EFCAB6: variants seen among roughly 807,000 people sequenced by gnomAD.
The protein encoded by EFCAB6 is EF-hand calcium binding domain 6, also known as EF-hand calcium-binding domain-containing protein 6.
EFCAB6 carries 156 observed loss-of-function variants against 169.8 expected under a neutral mutation model. The ratio of observed to expected loss-of-function variants is 0.92; its 90% CI spans 0.81 to 1.05. The LOEUF (loss-of-function observed/expected upper bound fraction) is 1.05, where lower values mean the gene tolerates loss of function less well. Ranked by LOEUF, EFCAB6 falls within the 50% of genes least tolerant of loss-of-function variation. The probability of loss-of-function intolerance (pLI) is 0.00; values close to 1 mark genes in which losing one functional copy is unlikely to be tolerated. For missense variants in EFCAB6, 1,800 were observed against 1,829.1 expected, an observed-to-expected ratio of 0.98 and a Z score of 0.29; for synonymous variants, 698 against 676.4, an observed-to-expected ratio of 1.03 and a Z score of -0.50.
At chr22:43,780,965 C>T (rs2061804287) in intron 3 of EFCAB6, among the ~76,000 whole-genome samples, 1 of 152,176 alleles carries the variant, frequency 6.6e-6, no homozygotes, top group Non-Finnish European at 1.5e-5. Context: ...TTTGTAAGTG[C>T]GTCTTACGGC....
chr22:43,804,367 A>G (rs1406617458), intron 2 of EFCAB6, among the ~76,000 whole-genome samples: 5 of 152,356 alleles, frequency 3.3e-5, no homozygotes, highest in African/African-American at 1.2e-4. Context: ...TATGTCAAAA[A>G]AAATAGAAAG....
chr22:43,653,578 C>T (rs1011496160), intron 17 of EFCAB6, among the ~76,000 whole-genome samples: 9 of 152,148 alleles, frequency 5.9e-5, no homozygotes, highest in Non-Finnish European at 7.3e-5. Context: ...AAATTAATGA[C>T]GTTTCACAGA....
intron 27 of EFCAB6, among the ~76,000 whole-genome samples, chr22:43,549,477 C>T (rs1364526397): frequency 1.3e-5 from 2 of 151,962 alleles, no homozygotes; most frequent in African/African-American, 4.8e-5. Context: ...GATAAGTCAC[C>T]CAAACTGACA....
intron 17 of EFCAB6, among the ~76,000 whole-genome samples, chr22:43,662,986 A>G (rs1024415865): frequency 4.6e-5 from 7 of 152,236 alleles, no homozygotes; most frequent in Non-Finnish European, 8.8e-5. Context: ...AGCCAGTATC[A>G]CAGGTCCTAA....
chr22:43,738,030 C>T (rs1279342236), intron 6 of EFCAB6, among the ~76,000 whole-genome samples: 2 of 148,466 alleles, frequency 1.3e-5, no homozygotes, highest in Non-Finnish European at 3.0e-5. Flanking sequence ...ACACACACAC[C>T]TGCATATACT....
chr22:43,557,982 CTATA>C (rs964226545), intron 26 of EFCAB6, among the ~76,000 whole-genome samples: 1 of 151,992 alleles, frequency 6.6e-6, no homozygotes, highest in African/African-American at 2.4e-5. Context: ...GATGGATGAA[CTATA>C]TATAAATAAA....
intron 2 of EFCAB6, among the ~76,000 whole-genome samples, chr22:43,802,313 G>A (rs1264874528): frequency 2.6e-5 from 4 of 152,098 alleles, no homozygotes; most frequent in African/African-American, 4.8e-5. Context: ...TGGATCACCT[G>A]AGGTCAGGAG....
intron 10 of EFCAB6, among the ~76,000 whole-genome samples, chr22:43,709,920 G>C (rs1002422729): frequency 3.3e-5 from 5 of 152,210 alleles, no homozygotes; most frequent in Admixed American, 6.5e-5. Flanking sequence ...CATATAGGGA[G>C]CTGGCAAGGA....
At chr22:43,713,898 G>GA (rs2147400658) in intron 9 of EFCAB6, among the ~76,000 whole-genome samples, 1 of 152,146 alleles carries the variant, frequency 6.6e-6, no homozygotes, top group Non-Finnish European at 1.5e-5. Flanking sequence ...ATATGATGGG[G>GA]AAAAAGAGAA....
chr22:43,748,560 C>G (rs1036037693), intron 6 of EFCAB6, among the ~76,000 whole-genome samples: 1 of 152,174 alleles, frequency 6.6e-6, no homozygotes, highest in Non-Finnish European at 1.5e-5. Context: ...TCCAATTGTT[C>G]CTGGCTATTC....
rs369016690 is a variant in EFCAB6 at position 43,581,803 on chromosome 22, G to C, written c.3033-1144C>G. ...CAGAGCCGCCTTGCACAGGCTCTGC[G>C]TCGGGTCGGCTTGCATGATGGAGAC... On this transcript the variant is annotated intron_variant, in intron 24 of 31. Coordinates refer to ENST00000262726, the MANE Select transcript of EFCAB6 (RefSeq NM_022785.4). Among the ~76,000 whole-genome samples the C allele has an allele frequency of 2.3e-3, 346 of 152,284 alleles. 2 individuals are homozygous for C. The highest frequency in any genetic ancestry group is 8.0e-3 in the African/African-American group (334 of 41,546).
chr22:43,652,253 T>A (rs1186725901), intron 17 of EFCAB6, among the ~76,000 whole-genome samples: 2 of 152,116 alleles, frequency 1.3e-5, no homozygotes, highest in Admixed American at 1.3e-4. Flanking sequence ...GGTGAATAAG[T>A]CACATGAGAT....
At chr22:43,587,036 A>G (rs1042091910) in intron 24 of EFCAB6, among the ~76,000 whole-genome samples, 1 of 152,178 alleles carries the variant, frequency 6.6e-6, no homozygotes, top group East Asian at 1.9e-4. Flanking sequence ...AGAAAATCTG[A>G]TATGTCCTGC....
intron 26 of EFCAB6, among the ~76,000 whole-genome samples, chr22:43,565,722 C>T (rs1283005713): frequency 6.7e-6 from 1 of 150,366 alleles, no homozygotes; most frequent in Non-Finnish European, 1.5e-5. Flanking sequence ...CTTACAGAGA[C>T]AATTATATGG....
chr22:43,801,945 C>T (rs1014972128), intron 2 of EFCAB6, among the ~76,000 whole-genome samples: 2 of 152,112 alleles, frequency 1.3e-5, no homozygotes, highest in African/African-American at 2.4e-5. Flanking sequence ...AGAAACAACA[C>T]CCAACAATAT....
chr22:43,639,932 T>C (rs1399552559), intron 17 of EFCAB6, among the ~76,000 whole-genome samples: 1 of 152,204 alleles, frequency 6.6e-6, no homozygotes, highest in Non-Finnish European at 1.5e-5. Context: ...GGTTGAGCTA[T>C]GTGGTGAATT....
intron 21 of EFCAB6, among the ~76,000 whole-genome samples, chr22:43,609,902 TG>T (rs908183717): frequency 6.6e-6 from 1 of 152,178 alleles, no homozygotes; most frequent in African/African-American, 2.4e-5. Flanking sequence ...ACCCACGGGC[TG>T]TGATGTAGGC....
At chr22:43,736,141 G>T in intron 6 of EFCAB6, 148 bp from the exon 7 acceptor site, 2 of 750,406 alleles carry the variant, frequency 2.7e-6, no homozygotes, top group Non-Finnish European at 3.9e-6. Context: ...AAAATGACAT[G>T]TCTACGGAAA....
chr22:43,600,963 C>A (rs16990797), intron 22 of EFCAB6, among the ~76,000 whole-genome samples: 6,619 of 152,226 alleles, frequency 0.043, 163 homozygotes, highest in African/African-American at 0.067. Flanking sequence ...ACACCTCGCC[C>A]GTTCGGCAGT....
Sources: allele counts gnomAD v4.1 joint callset (sites outside exome capture counted in the v4.1 genomes callset), GRCh38; gene constraint gnomAD v4.1.1; transcripts MANE v1.5; gene names NCBI Gene and HGNC (gene_info 2026-07-23, HGNC 2026-07-21).